NELL1: variants seen among roughly 807,000 people sequenced by gnomAD.
NELL1 encodes the protein protein kinase C-binding protein NELL1.
In NELL1, 76 loss-of-function variants were observed where a neutral mutation model predicts 107.4. That is an observed-to-expected ratio of 0.71 (90% CI 0.59 to 0.86). The LOEUF (loss-of-function observed/expected upper bound fraction) is 0.86. Ranked by LOEUF, NELL1 falls within the 40% of genes least tolerant of loss-of-function variation. NELL1 has a pLI of 0.00. For missense variants in NELL1, 1,024 were observed against 1,005.5 expected (o/e 1.02, Z -0.25); for synonymous variants, 353 against 341.2 (o/e 1.03, Z -0.38).
At chr11:21,312,760 A>G (rs988509583) in intron 14 of NELL1, among the ~76,000 whole-genome samples, 2 of 152,180 alleles carry the variant, frequency 1.3e-5, no homozygotes, top group African/African-American at 4.8e-5. Context: ...TGGATAAGTG[A>G]AATAGACAGG....
intron 14 of NELL1, among the ~76,000 whole-genome samples, chr11:21,337,219 A>G (rs146788636): frequency 6.6e-6 from 1 of 152,124 alleles, no homozygotes; most frequent in African/African-American, 2.4e-5. Flanking sequence ...ATAATTTACT[A>G]TCATAATAAA....
intron 12 of NELL1, among the ~76,000 whole-genome samples, chr11:21,055,831 TA>T (rs34918432): frequency 0.056 from 8,463 of 152,222 alleles, 740 homozygotes; most frequent in African/African-American, 0.19. Flanking sequence ...AGAAGCTCAG[TA>T]AAAATCATTT....
chr11:20,804,223 C>A (rs1237897506), intron 3 of NELL1, among the ~76,000 whole-genome samples: 1 of 151,840 alleles, frequency 6.6e-6, no homozygotes, highest in Non-Finnish European at 1.5e-5. Flanking sequence ...AAATTTTTTT[C>A]AATTTTATTC....
intron 13 of NELL1, among the ~76,000 whole-genome samples, chr11:21,226,747 A>G (rs1441502545): frequency 6.6e-6 from 1 of 152,202 alleles, no homozygotes; most frequent in Non-Finnish European, 1.5e-5. Flanking sequence ...AAAGAGGTAA[A>G]GATATTAAAT....
At chr11:21,510,706 T>C (rs1051384521) in intron 15 of NELL1, among the ~76,000 whole-genome samples, 2 of 152,244 alleles carry the variant, frequency 1.3e-5, no homozygotes, top group African/African-American at 2.4e-5. Context: ...TATTAAGAGT[T>C]CCTTATCCAC....
At chr11:21,302,186 C>CAT (rs1849505908) in intron 14 of NELL1, among the ~76,000 whole-genome samples, 1 of 151,964 alleles carries the variant, frequency 6.6e-6, no homozygotes, top group South Asian at 2.1e-4. Context: ...TCTTCTGTTC[C>CAT]ATATGTTGTT....
chr11:20,852,070 G>A (rs79985204), intron 4 of NELL1, among the ~76,000 whole-genome samples: 29 of 152,226 alleles, frequency 1.9e-4, no homozygotes, highest in East Asian at 1.7e-3. Flanking sequence ...GTAATATGCC[G>A]GCATCCCTAC....
At chr11:20,675,664 C>T (rs928970185) in intron 1 of NELL1, among the ~76,000 whole-genome samples, 12 of 152,104 alleles carry the variant, frequency 7.9e-5, no homozygotes, top group Non-Finnish European at 1.5e-4. Context: ...ACCTTAGAAC[C>T]CTCCAATTAT....
intron 12 of NELL1, among the ~76,000 whole-genome samples, chr11:21,045,393 T>C (rs1853330788): frequency 6.6e-6 from 1 of 152,150 alleles, no homozygotes; most frequent in African/African-American, 2.4e-5. Context: ...TTTTTCATAG[T>C]AGTATTTTGA....
intron 15 of NELL1, among the ~76,000 whole-genome samples, chr11:21,528,181 G>C (rs2133963859): frequency 6.6e-6 from 1 of 152,288 alleles, no homozygotes; most frequent in South Asian, 2.1e-4. Context: ...CTTGCCTAAT[G>C]AATGTCTACC....
chr11:20,873,626 G>A (rs563709710), intron 4 of NELL1, among the ~76,000 whole-genome samples: 1 of 152,258 alleles, frequency 6.6e-6, no homozygotes, highest in South Asian at 2.1e-4. Context: ...AGAAACAAAG[G>A]ACTCAGAGAG....
chr11:21,436,488 T>C (rs1853125183), intron 15 of NELL1, among the ~76,000 whole-genome samples: 1 of 152,200 alleles, frequency 6.6e-6, no homozygotes, highest in South Asian at 2.1e-4. Context: ...TCATTTGTAA[T>C]GTCTCTTATT....
intron 2 of NELL1, among the ~76,000 whole-genome samples, chr11:20,723,805 T>A (rs892491949): frequency 6.6e-6 from 1 of 152,202 alleles, no homozygotes; most frequent in Non-Finnish European, 1.5e-5. Context: ...GCTCTGCCCC[T>A]GCAGTAGAAT....
intron 15 of NELL1, among the ~76,000 whole-genome samples, chr11:21,418,881 A>G (rs561106078): frequency 8.5e-4 from 129 of 152,296 alleles, no homozygotes; most frequent in Admixed American, 1.6e-3. Flanking sequence ...GCACACTTGC[A>G]TCCAATCTTC....
intron 15 of NELL1, among the ~76,000 whole-genome samples, chr11:21,463,898 G>A (rs548525553): frequency 2.0e-3 from 309 of 152,158 alleles, no homozygotes; most frequent in African/African-American, 6.6e-3. Context: ...TGGAATCCTC[G>A]GAAGACTTTT....
intron 9 of NELL1, among the ~76,000 whole-genome samples, chr11:20,932,091 G>A (rs1178987368): frequency 6.6e-6 from 1 of 151,958 alleles, no homozygotes; most frequent in African/African-American, 2.4e-5. Context: ...AAATAGTGAG[G>A]GAGTTTCATT....
chr11:21,365,221 A>G (rs1012647576), intron 14 of NELL1, among the ~76,000 whole-genome samples: 1 of 151,910 alleles, frequency 6.6e-6, no homozygotes, highest in Non-Finnish European at 1.5e-5. Context: ...ATTCTTGGGG[A>G]TGGGGACAAT....
At chr11:21,441,275 A>G (rs1162331253) in intron 15 of NELL1, among the ~76,000 whole-genome samples, 1 of 148,238 alleles carries the variant, frequency 6.7e-6, no homozygotes, top group Non-Finnish European at 1.5e-5. Context: ...TCTATTTATA[A>G]TATTTTTTCA....
chr11:21,570,684 T>G, intron 17 of NELL1, 80 bp from the exon 18 acceptor site: 2 of 1,437,390 alleles, frequency 1.4e-6, no homozygotes, highest in Non-Finnish European at 1.9e-6. Context: ...TGACCAAACA[T>G]CCAAGAAGTT....
Sources: gnomAD v4.1 joint callset for allele counts (sites outside exome capture counted in the v4.1 genomes callset) on GRCh38, gnomAD v4.1.1 for gene constraint, MANE v1.5 for transcripts, NCBI Gene and HGNC (gene_info 2026-07-23, HGNC 2026-07-21) for gene names.